The following PSD3 variants were observed in gnomAD, a reference collection of about 807,000 sequenced individuals.
The protein encoded by PSD3 is pleckstrin and Sec7 domain containing 3.
PSD3 carries 49 observed loss-of-function variants against 105.5 expected under a neutral mutation model. The observed-to-expected ratio is 0.46, with a 90% CI of 0.37 to 0.59. The LOEUF (loss-of-function observed/expected upper bound fraction) is 0.59. Ranked by LOEUF, PSD3 falls within the 20% of genes least tolerant of loss-of-function variation. The pLI, the probability that PSD3 is intolerant of heterozygous loss-of-function variation, is 0.00. For missense variants in PSD3, 1,561 were observed against 1,263.8 expected (o/e 1.24, Z -3.57); for synonymous variants, 557 against 457.8 (o/e 1.22, Z -2.77).
rs1250804618 is a variant in PSD3 at position 18,897,055 on chromosome 8, C to T, written c.131-24322G>A. 1.1e-4 allele frequency among the ~76,000 whole-genome samples: 16 copies of T among 152,142 alleles called. 1 individual carries two copies. Among genetic ancestry groups the T allele is most frequent in the Non-Finnish European group, 2.4e-4 (16 of 68,032 alleles). ...CTCCTGACCTCAGGTGATCCGCCCA[C>T]CTGAGCCTCCCAAAGTGCTGGGATT... On this transcript the variant is annotated intron_variant, in intron 2 of 15. Transcript: ENST00000327040.
At chr8:18,602,635 C>T (rs1464616909) in intron 11 of PSD3, among the ~76,000 whole-genome samples, 1 of 151,990 alleles carries the variant, frequency 6.6e-6, no homozygotes, top group East Asian at 1.9e-4. Context: ...CACCGTAATG[C>T]TAAGAGTAAG....
At chr8:18,564,279 G>A (rs1801591025) in intron 14 of PSD3, among the ~76,000 whole-genome samples, 1 of 152,140 alleles carries the variant, frequency 6.6e-6, no homozygotes, top group African/African-American at 2.4e-5. Flanking sequence ...AAAAAAGTGA[G>A]TAGACCAGTG....
intron 2 of PSD3, chr8:18,924,803 T>C (rs997520924): frequency 6.6e-6 from 1 of 152,166 alleles, no homozygotes; most frequent in Admixed American, 6.5e-5. Flanking sequence ...CAGCTTCTTC[T>C]TTGCACTAAA....
Position 19,065,109 on chromosome 8 carries a change from AC to A in PSD3, c.324+19096del, listed in dbSNP as rs202061534. 7.7e-4 allele frequency among the ~76,000 whole-genome samples: 117 copies of A among 152,308 alleles called. 4 individuals are homozygous for A. The East Asian group carries it at 0.014, about 19-fold the overall frequency. On this transcript the variant is annotated intron_variant, in intron 1 of 1. Coordinates refer to the PSD3 transcript ENST00000521475. Reference sequence around the variant, plus strand: ...GCATAAGGAAGTCCCCTCTGTTTTAACCCTATAAGGAAAGTAATTTTGTAAT... The same window carrying A: ...GCATAAGGAAGTCCCCTCTGTTTTAACCTATAAGGAAAGTAATTTTGTAAT...
At chr8:18,659,733 T>C (rs1037771543) in intron 9 of PSD3, among the ~76,000 whole-genome samples, 1 of 152,198 alleles carries the variant, frequency 6.6e-6, no homozygotes, top group Non-Finnish European at 1.5e-5. Context: ...AGCGCCTTTG[T>C]TGGTGAGGAT....
At position 18,894,008 on chromosome 8, in the gene PSD3, C is replaced by T. The variant is rs565820467; in HGVS notation, c.131-21275G>A. 1.3e-4 allele frequency among the ~76,000 whole-genome samples: 20 copies of T among 152,266 alleles called. No homozygotes were observed. The South Asian group carries it at 1.7e-3, about 13-fold the overall frequency. On this transcript the variant is annotated intron_variant, in intron 2 of 15. Coordinates refer to ENST00000327040, the MANE Select transcript of PSD3 (RefSeq NM_015310.4). ...AATATCTATCATCCAATCAACACACCGGTGCGGTGGCAAATGTACCCTAAG... is the reference window on the plus strand; with the variant it reads ...AATATCTATCATCCAATCAACACACTGGTGCGGTGGCAAATGTACCCTAAG...
At chr8:18,819,935 CT>C (rs1428674098) in intron 4 of PSD3, among the ~76,000 whole-genome samples, 1 of 152,180 alleles carries the variant, frequency 6.6e-6, no homozygotes, top group Non-Finnish European at 1.5e-5. Context: ...GGCTGTCAGA[CT>C]TTTATTACCT....
intron 4 of PSD3, among the ~76,000 whole-genome samples, chr8:18,828,757 T>G (rs1019023232): frequency 1.3e-5 from 2 of 151,986 alleles, no homozygotes; most frequent in Non-Finnish European, 2.9e-5. Flanking sequence ...GGCCAGAAGT[T>G]TGAGATCAGC....
intron 1 of PSD3, among the ~76,000 whole-genome samples, chr8:18,976,900 T>C (rs1226057700): frequency 1.3e-5 from 2 of 152,132 alleles, no homozygotes; most frequent in Admixed American, 1.3e-4. Context: ...AAAGGACGTA[T>C]ATGTGGCTGT....
chr8:18,527,577 C>A lies in PSD3; in HGVS notation c.*8166G>T, dbSNP rs1799475412. On this transcript the variant is annotated 3_prime_UTR_variant, in exon 16 of 16. Transcript: ENST00000327040. ...CACTTGTCTACAAGGTTTAGATTTA[C>A]TTGAACAACAGTGAAATAGGGTAAT... 1 of 152,570 alleles carries A rather than the reference C, an allele frequency of 6.6e-6. No homozygotes were observed. Among genetic ancestry groups the A allele is most frequent in the South Asian group, 2.1e-4 (1 of 4,826 alleles). The allele number at this position is 152,570 out of a possible 1,614,324, so 9.5% of individuals were successfully genotyped here.
intron 1 of PSD3, among the ~76,000 whole-genome samples, chr8:19,025,456 T>G (rs975494231): frequency 6.6e-5 from 10 of 152,206 alleles, no homozygotes; most frequent in African/African-American, 2.2e-4. Context: ...CTCCAGACTT[T>G]CACTATTTTC....
chr8:18,758,903 G>C (rs1022837166), intron 9 of PSD3, among the ~76,000 whole-genome samples: 20 of 152,088 alleles, frequency 1.3e-4, no homozygotes, highest in African/African-American at 4.8e-4. Flanking sequence ...TCTGTCCTTT[G>C]AGAAAGCAAG....
At chr8:18,783,557 C>T (rs1284642943) in intron 8 of PSD3, among the ~76,000 whole-genome samples, 1 of 152,126 alleles carries the variant, frequency 6.6e-6, no homozygotes, top group Non-Finnish European at 1.5e-5. Flanking sequence ...TAAAATACAG[C>T]AATTTAGAGC....
chr8:18,696,343 T>C (rs558066460), intron 9 of PSD3, among the ~76,000 whole-genome samples: 41 of 152,338 alleles, frequency 2.7e-4, no homozygotes, highest in African/African-American at 8.9e-4. Flanking sequence ...CACTATTAGA[T>C]AGATATTATC....
At chr8:18,616,875 G>A (rs1049471029) in intron 11 of PSD3, among the ~76,000 whole-genome samples, 1 of 151,572 alleles carries the variant, frequency 6.6e-6, no homozygotes, top group African/African-American at 2.4e-5. Flanking sequence ...CGCCCGCCTC[G>A]GCCTCCCAAA....
chr8:18,649,286 A>T (rs187524738), intron 10 of PSD3, among the ~76,000 whole-genome samples: 3 of 152,206 alleles, frequency 2.0e-5, no homozygotes, highest in Non-Finnish European at 2.9e-5. Flanking sequence ...AGGCCTTGGG[A>T]GCCCACTCCT....
chr8:18,786,298 G>T (rs920254542), intron 8 of PSD3, among the ~76,000 whole-genome samples: 2 of 152,156 alleles, frequency 1.3e-5, no homozygotes, highest in African/African-American at 4.8e-5. Context: ...AAAGGCTACA[G>T]AGTCAAAAGT....
At chr8:18,746,902 G>T (rs1035334113) in intron 9 of PSD3, among the ~76,000 whole-genome samples, 1 of 152,238 alleles carries the variant, frequency 6.6e-6, no homozygotes, top group Non-Finnish European at 1.5e-5. Flanking sequence ...CAAATGAATA[G>T]AAGGGCACAT....
intron 2 of PSD3, among the ~76,000 whole-genome samples, chr8:18,874,211 G>C (rs939318188): frequency 1.3e-5 from 2 of 151,822 alleles, no homozygotes; most frequent in African/African-American, 2.4e-5. Flanking sequence ...TTCCAGGCTG[G>C]AGTGTAGTGG....
Sources: gnomAD v4.1 joint callset for allele counts (sites outside exome capture counted in the v4.1 genomes callset) on GRCh38, gnomAD v4.1.1 for gene constraint, MANE v1.5 for transcripts, NCBI Gene and HGNC (gene_info 2026-07-23, HGNC 2026-07-21) for gene names.